Variants in SPICE1 observed in about 807,000 individuals in gnomAD.
SPICE1 encodes spindle and centriole-associated protein 1.
Under a neutral mutation model 102.7 loss-of-function variants are expected in SPICE1, and 75 were observed. The observed-to-expected ratio is 0.73, with a 90% CI of 0.61 to 0.88. The LOEUF (loss-of-function observed/expected upper bound fraction) is 0.88, where lower values mean the gene tolerates loss of function less well. SPICE1 is among the 40% of genes least tolerant of loss of function. The pLI is 0.00. For synonymous variants in SPICE1, 308 were observed against 350.3 expected, an observed-to-expected ratio of 0.88 and a Z score of 1.35; for missense variants, 979 against 1,020.1, an observed-to-expected ratio of 0.96 and a Z score of 0.55.
At position 113,468,848 on chromosome 3, in the gene SPICE1, G is replaced by A; in HGVS notation, c.803C>T (p.Pro268Leu). The change falls in exon 9 of 18, where the codon CCT becomes CTT. Residue 268 changes from proline to leucine, a missense_variant. Pro to Leu is a moderately conservative substitution (Grantham distance 98). Transcript: ENST00000295872. ...AVKRLQTRLQ[P>L]EESTETLDSS... ...GTCTAGAGTCTCAGTAGATTCTTCA[G>A]GCTGAAGCCTGGTTTGGAGTCTCTT... 1 of 1,614,140 alleles carries A rather than the reference G, an allele frequency of 6.2e-7. No homozygotes were observed. Among genetic ancestry groups the A allele is most frequent in the South Asian group, 1.1e-5 (1 of 91,072 alleles).
chr3:113,473,100 T>A (rs1012217288), intron 7 of SPICE1, among the ~76,000 whole-genome samples: 13 of 152,140 alleles, frequency 8.5e-5, no homozygotes, highest in Non-Finnish European at 1.9e-4. Context: ...AAGGAGCTGA[T>A]GGAGCTGAAA....
In SPICE1 at chr3:113,485,858, A is replaced by G. The variant is rs554374843; in HGVS notation, c.611+3087T>C. Among the ~76,000 whole-genome samples, 11 of 152,342 alleles carry G rather than the reference A, an allele frequency of 7.2e-5. No homozygotes were observed. In the South Asian group the frequency reaches 2.3e-3, roughly 32 times the overall value. ...ATGTCCTTTGCAGGGACATGGATGG[A>G]GCTGGATGCCATTATCCTCAGCAAA... On this transcript the variant is annotated intron_variant, in intron 7 of 17. Transcript: ENST00000295872.
chr3:113,445,994 T>C (rs561224602), intron 17 of SPICE1, among the ~76,000 whole-genome samples: 1 of 152,368 alleles, frequency 6.6e-6, no homozygotes, highest in East Asian at 1.9e-4. Flanking sequence ...AAAGGAACTA[T>C]ATTTTACTGT....
intron 1 of SPICE1, among the ~76,000 whole-genome samples, chr3:113,509,831 A>G (rs1207773129): frequency 6.6e-6 from 1 of 152,184 alleles, no homozygotes; most frequent in Non-Finnish European, 1.5e-5. Context: ...TGCTGTTTTC[A>G]TGATAGTGAA....
chr3:113,508,996 C>T (rs77902679), intron 1 of SPICE1, among the ~76,000 whole-genome samples: 2,257 of 152,130 alleles, frequency 0.015, 51 homozygotes, highest in African/African-American at 0.05. Context: ...CAGAAGGCCC[C>T]CTATTGTTTG....
intron 7 of SPICE1, among the ~76,000 whole-genome samples, chr3:113,469,576 T>C (rs993659622): frequency 1.3e-5 from 2 of 148,714 alleles, no homozygotes; most frequent in Admixed American, 1.3e-4. Flanking sequence ...TATTAATTTA[T>C]ATAAAAAATA....
chr3:113,471,515 T>C (rs551417426), intron 7 of SPICE1, among the ~76,000 whole-genome samples: 6 of 152,256 alleles, frequency 3.9e-5, no homozygotes, highest in African/African-American at 1.2e-4. Flanking sequence ...ACCTTGACGT[T>C]GGCCTAGTGA....
chr3:113,478,316 T>C (rs976660274), intron 7 of SPICE1, among the ~76,000 whole-genome samples: 4 of 152,058 alleles, frequency 2.6e-5, no homozygotes, highest in Non-Finnish European at 5.9e-5. Flanking sequence ...ACATACTTAA[T>C]ACAAAATAAT....
intron 11 of SPICE1, among the ~76,000 whole-genome samples, chr3:113,462,809 G>A (rs1000513111): frequency 1.3e-5 from 2 of 152,080 alleles, no homozygotes; most frequent in South Asian, 4.1e-4. Context: ...ACACAGCCCA[G>A]AGTGATCCTC....
At chr3:113,514,357 G>C in intron 1 of SPICE1, 1 of 274,472 alleles carries the variant, frequency 3.6e-6, no homozygotes, top group Non-Finnish European at 7.2e-6. Flanking sequence ...AAACACTGTT[G>C]AATCAATCCT....
At chr3:113,469,054 C>A in intron 8 of SPICE1, 45 bp downstream of exon 8, 3 of 1,592,304 alleles carry the variant, frequency 1.9e-6, no homozygotes, top group Non-Finnish European at 1.7e-6. Context: ...CAAGAATGAA[C>A]CTAATAAAGC....
chr3:113,509,168 T>G (rs574496084), intron 1 of SPICE1, among the ~76,000 whole-genome samples: 81 of 152,312 alleles, frequency 5.3e-4, no homozygotes, highest in African/African-American at 1.7e-3. Context: ...GTAATGTTAG[T>G]TGCGCAATTA....
At chr3:113,447,740 T>G (rs1030948793) in intron 16 of SPICE1, among the ~76,000 whole-genome samples, 1 of 152,192 alleles carries the variant, frequency 6.6e-6, no homozygotes, top group Non-Finnish European at 1.5e-5. Context: ...AAAATACTAT[T>G]GGTCAATTCA....
rs1371627785 is a variant in SPICE1, at chr3:113,499,524, T to TG, written c.205dup (p.Gln69ProfsTer20). The TG allele has an allele frequency of 1.2e-6, 2 of 1,613,444 alleles. No individual in the cohort carries two copies. The highest frequency in any genetic ancestry group is 1.7e-6 in the Non-Finnish European group (2 of 1,179,800). On this transcript the variant is annotated frameshift_variant, in exon 4 of 18. Transcript: ENST00000295872. LOFTEE classifies it high-confidence loss of function. Reference sequence around the variant, plus strand: ...CCATTTTCTCTTCAAAGCTTTTTCTTGGAGTTCCCAGTGTACTAATGCTCT... The same window carrying TG: ...CCATTTTCTCTTCAAAGCTTTTTCTTGGGAGTTCCCAGTGTACTAATGCTCT...
intron 7 of SPICE1, among the ~76,000 whole-genome samples, chr3:113,483,040 T>G (rs916336323): frequency 2.0e-5 from 3 of 152,232 alleles, no homozygotes; most frequent in African/African-American, 7.2e-5. Flanking sequence ...TCCATGAGCA[T>G]GGAATGTTTT....
chr3:113,499,837 T>C (rs1195208011), intron 3 of SPICE1, among the ~76,000 whole-genome samples: 1 of 152,214 alleles, frequency 6.6e-6, no homozygotes, highest in Non-Finnish European at 1.5e-5. Flanking sequence ...CTACTACTTT[T>C]CTGCAAGACT....
At chr3:113,477,499 T>C (rs867073280) in intron 7 of SPICE1, among the ~76,000 whole-genome samples, 3,178 of 143,834 alleles carry the variant, frequency 0.022, 125 homozygotes, top group African/African-American at 0.062. Flanking sequence ...ATGTTTATTG[T>C]GGCACTATTC....
chr3:113,472,505 C>A (rs1315183323), intron 7 of SPICE1, among the ~76,000 whole-genome samples: 2 of 152,242 alleles, frequency 1.3e-5, no homozygotes, highest in Non-Finnish European at 2.9e-5. Context: ...TGACCCCTGA[C>A]CCCCGAGCAG....
At chr3:113,458,947 G>A (rs1229992210) in intron 12 of SPICE1, among the ~76,000 whole-genome samples, 1 of 152,230 alleles carries the variant, frequency 6.6e-6, no homozygotes, top group Admixed American at 6.5e-5. Context: ...AACGGGCCAT[G>A]ATGACGATGG....
Sources: gnomAD v4.1 joint callset for allele counts (sites outside exome capture counted in the v4.1 genomes callset) on GRCh38, gnomAD v4.1.1 for gene constraint, MANE v1.5 for transcripts, NCBI Gene and HGNC (gene_info 2026-07-23, HGNC 2026-07-21) for gene names.